The following LARGE1 variants were observed in gnomAD, a reference collection of about 807,000 sequenced individuals.
LARGE1 encodes LARGE xylosyl- and glucuronyltransferase 1.
A neutral mutation model predicts 87.6 loss-of-function variants in LARGE1; 43 were observed. The ratio of observed to expected loss-of-function variants is 0.49; its 90% CI spans 0.38 to 0.63. The LOEUF (loss-of-function observed/expected upper bound fraction) is 0.63. LARGE1 is among the 30% of genes least tolerant of loss of function. LARGE1 has a pLI of 0.00. For synonymous variants in LARGE1, 434 were observed against 394.6 expected, an observed-to-expected ratio of 1.10 and a Z score of -1.18; for missense variants, 802 against 1,000.2, an observed-to-expected ratio of 0.80 and a Z score of 2.67.
At chr22:33,684,362 C>G (rs996254067) in intron 2 of LARGE1, among the ~76,000 whole-genome samples, 1 of 152,018 alleles carries the variant, frequency 6.6e-6, no homozygotes, top group Non-Finnish European at 1.5e-5. Flanking sequence ...GCCTCAGCCT[C>G]GGACTACTCA....
intron 1 of LARGE1, among the ~76,000 whole-genome samples, chr22:33,767,664 G>A (rs1222798798): frequency 3.3e-5 from 5 of 151,928 alleles, no homozygotes; most frequent in Non-Finnish European, 7.4e-5. Flanking sequence ...TTAGCATCAT[G>A]GATGTTAGAA....
chr22:33,238,119 A>C (rs1002912101), intron 11 of LARGE1, among the ~76,000 whole-genome samples: 1 of 152,214 alleles, frequency 6.6e-6, no homozygotes, highest in Non-Finnish European at 1.5e-5. Context: ...ACAACAACCA[A>C]AAAAGCTGTT....
rs149935545 is a variant in LARGE1, at chr22:33,854,749, G to A, written c.-83+65246C>T. Among the ~76,000 whole-genome samples, 477 of 152,206 alleles carry A rather than the reference G, an allele frequency of 3.1e-3. 3 individuals carry two copies. Among genetic ancestry groups the A allele is most frequent in the African/African-American group, 0.011 (442 of 41,528 alleles). On this transcript the variant is annotated intron_variant, in intron 1 of 14. Transcript: ENST00000397394. ...CTGAAGAGACACAGAAGGAATCTTG[G>A]GAGATGCAGTTGTGATTTATAAAGC...
intron 9 of LARGE1, among the ~76,000 whole-genome samples, chr22:33,348,346 A>G (rs1180210542): frequency 1.4e-5 from 2 of 143,812 alleles, no homozygotes; most frequent in Non-Finnish European, 3.0e-5. Flanking sequence ...CAAGGCACTG[A>G]TCTGGTAAGA....
chr22:33,475,093 T>C (rs2069014248), intron 6 of LARGE1, among the ~76,000 whole-genome samples: 1 of 152,142 alleles, frequency 6.6e-6, no homozygotes, highest in Admixed American at 6.5e-5. Flanking sequence ...GGGAATGGCA[T>C]AGTCTACTCA....
chr22:33,277,648 A>G (rs1440506638), intron 13 of LARGE1, among the ~76,000 whole-genome samples: 1 of 152,204 alleles, frequency 6.6e-6, no homozygotes, highest in African/African-American at 2.4e-5. Context: ...CACCAGACGG[A>G]GGCCTAGGAC....
chr22:33,361,229 A>C (rs1159570033), intron 9 of LARGE1, among the ~76,000 whole-genome samples: 1 of 148,684 alleles, frequency 6.7e-6, no homozygotes, highest in Non-Finnish European at 1.5e-5. Context: ...ATAATAAATA[A>C]ATAAATAAAA....
the LARGE1 span, among the ~76,000 whole-genome samples, chr22:33,070,704 C>T: frequency 6.6e-6 from 1 of 152,106 alleles, no homozygotes; most frequent in Admixed American, 6.6e-5. Flanking sequence ...AGAAGAGGCA[C>T]CTGAACAGCT....
At chr22:33,758,256 T>A (rs1275975721) in intron 2 of LARGE1, among the ~76,000 whole-genome samples, 3 of 152,154 alleles carry the variant, frequency 2.0e-5, no homozygotes, top group African/African-American at 4.8e-5. Context: ...AAGGTAAACA[T>A]CCTCAATTCT....
intron 6 of LARGE1, among the ~76,000 whole-genome samples, chr22:33,552,607 C>T (rs551062015): frequency 2.0e-5 from 3 of 152,294 alleles, no homozygotes; most frequent in East Asian, 1.9e-4. Context: ...CAGTCCTACT[C>T]GCCCTCCTTC....
intron 6 of LARGE1, among the ~76,000 whole-genome samples, chr22:33,469,050 G>T (rs1174944925): frequency 6.6e-6 from 1 of 152,224 alleles, no homozygotes; most frequent in Non-Finnish European, 1.5e-5. Context: ...ATGCTGGTGA[G>T]GTTCTGGAGA....
At position 33,439,213 on chromosome 22, in the gene LARGE1, CAA is replaced by C. The variant is rs1158386811; in HGVS notation, c.788-6950_788-6949del. On this transcript the variant is annotated intron_variant, in intron 6 of 14. Transcript: ENST00000397394. ...TAGGTGACAGAGTGAGACTCCATCT[CAA>C]AAAAAAAAAAAAAAGGATGACAGAT... Among the ~76,000 whole-genome samples the C allele has an allele frequency of 2.4e-3, 214 of 89,986 alleles. 1 individual carries two copies. The Middle Eastern group carries it at 0.037, about 15-fold the overall frequency. The allele number at this position is 89,986 out of a possible 152,430, so 59.0% of individuals were successfully genotyped here. A position where few individuals can be genotyped will look rare whatever the true frequency, so the allele number is the denominator to read the frequency against.
At chr22:33,321,858 G>A (rs946935448) in intron 10 of LARGE1, among the ~76,000 whole-genome samples, 2 of 152,092 alleles carry the variant, frequency 1.3e-5, no homozygotes, top group African/African-American at 4.8e-5. Context: ...TCACTCAGTC[G>A]CCCAGGTTGG....
chr22:33,612,058 A>G (rs1009770670), intron 4 of LARGE1, among the ~76,000 whole-genome samples: 3 of 152,196 alleles, frequency 2.0e-5, no homozygotes, highest in Non-Finnish European at 4.4e-5. Flanking sequence ...CAGAACTGTG[A>G]GCCAATTAAA....
intron 12 of LARGE1, among the ~76,000 whole-genome samples, chr22:33,287,056 A>G (rs1931679561): frequency 1.3e-5 from 2 of 152,240 alleles, no homozygotes; most frequent in African/African-American, 4.8e-5. Context: ...ATTGACTTTC[A>G]GTGATGACAG....
At chr22:33,564,783 C>T (rs2077972730) in intron 6 of LARGE1, 65 bp downstream of exon 6, 29 of 1,561,248 alleles carry the variant, frequency 1.9e-5, no homozygotes, top group Non-Finnish European at 2.4e-5. Flanking sequence ...AAAAAGTCAA[C>T]CCCTATTCTT....
intron 1 of LARGE1, among the ~76,000 whole-genome samples, chr22:33,884,946 G>C (rs2064803387): frequency 2.6e-5 from 4 of 152,148 alleles, no homozygotes. Flanking sequence ...GCTTTCCATG[G>C]GGGGGAGGAA....
At chr22:33,804,824 G>A (rs1350262811) in intron 1 of LARGE1, among the ~76,000 whole-genome samples, 1 of 152,150 alleles carries the variant, frequency 6.6e-6, no homozygotes, top group Non-Finnish European at 1.5e-5. Context: ...CTACCATCAT[G>A]CATTTTCTAG....
intron 1 of LARGE1, among the ~76,000 whole-genome samples, chr22:33,781,162 G>A (rs1349659425): frequency 6.6e-6 from 1 of 152,170 alleles, no homozygotes; most frequent in Non-Finnish European, 1.5e-5. Flanking sequence ...GCAGGGTACG[G>A]TAAATTGCTC....
Sources: allele counts gnomAD v4.1 joint callset (sites outside exome capture counted in the v4.1 genomes callset), GRCh38; gene constraint gnomAD v4.1.1; transcripts MANE v1.5; gene names NCBI Gene and HGNC (gene_info 2026-07-23, HGNC 2026-07-21).